PCDH8: variants seen among roughly 807,000 people sequenced by gnomAD.
The protein encoded by PCDH8 is protocadherin-8.
Under a neutral mutation model 58.2 loss-of-function variants are expected in PCDH8, and 36 were observed. The ratio of observed to expected loss-of-function variants is 0.62; its 90% CI spans 0.47 to 0.82. The LOEUF is 0.82. PCDH8 is among the 40% of genes least tolerant of loss of function. The probability of loss-of-function intolerance (pLI) is 0.00; values close to 1 mark genes in which losing one functional copy is unlikely to be tolerated. For synonymous variants in PCDH8, 775 were observed against 728.9 expected (o/e 1.06, Z -1.02); for missense variants, 1,493 against 1,567.8 (o/e 0.95, Z 0.81).
Position 52,845,821 on chromosome 13 carries a change from G to A in PCDH8, c.2616C>T (p.Arg872=). The change falls in exon 1 of 3, where the codon CGC becomes CGT. Residue 872 remains arginine, a synonymous_variant. Coordinates refer to ENST00000377942, the MANE Select transcript of PCDH8 (RefSeq NM_002590.4). ...ACHFEGQQRL[R]GAHAEPYGAS... ...AAGGCCTCACCTCGGCGTGCGCGCC[G>A]CGGAGCCGCTGCTGCCCCTCGAAGT... is the stretch of plus-strand genomic sequence containing the variant. 6.6e-7 allele frequency: 1 copy of A among 1,508,620 alleles called. No homozygotes were observed. The highest frequency in any genetic ancestry group is 8.8e-7 in the Non-Finnish European group (1 of 1,136,676). The allele number at this position is 1,508,620 out of a possible 1,614,324, so 93.5% of individuals were successfully genotyped here.
Position 52,846,038 on chromosome 13 carries a change from G to C in PCDH8, c.2399C>G (p.Ser800Trp), listed in dbSNP as rs1227280613. 4 of 1,498,144 alleles carry C rather than the reference G, an allele frequency of 2.7e-6. No homozygotes were observed. The highest frequency in any genetic ancestry group is 3.5e-6 in the Non-Finnish European group (4 of 1,141,894). The allele number at this position is 1,498,144 out of a possible 1,614,324, so 92.8% of individuals were successfully genotyped here. Residue 800 changes from serine (S) to tryptophan (W), a missense_variant, in exon 1 of 3, where the codon TCG (serine) becomes TGG (tryptophan). Physicochemically the swap from Ser to Trp is radical, Grantham distance 177. Coordinates refer to ENST00000377942, the MANE Select transcript of PCDH8 (RefSeq NM_002590.4). Reference sequence around the variant, plus strand: ...GGCCTCCTCCGGGGAGCCGGGAGCCGAGGCTCCGCCGCCCGCCGCCCCGGG... The same window carrying C: ...GGCCTCCTCCGGGGAGCCGGGAGCCCAGGCTCCGCCGCCCGCCGCCCCGGG... The part of the protein sequence containing the change: ...ERPGAAGGGA[S>W]APGSPEEAAR...
Position 52,846,653 on chromosome 13 carries a change from A to T in PCDH8, c.1784T>A (p.Val595Glu). ...GTTCTGGTCCAGCACGCGCACTTGCACTAGGGCGCTGCTGGAAAGCTGAGG... is the reference window on the plus strand; with the variant it reads ...GTTCTGGTCCAGCACGCGCACTTGCTCTAGGGCGCTGCTGGAAAGCTGAGG... ...GSPQLSSSAL[V>E]QVRVLDQNDH... Residue 595 changes from valine (V) to glutamate (E), a missense_variant, in exon 1 of 3, where the codon GTG (valine) becomes GAG (glutamate). Around this residue, in one of 3 missense-constraint regions of PCDH8, gnomAD observed 1,307 missense variants for 1,362.7 expected, o/e 0.96. Coordinates refer to ENST00000377942, the MANE Select transcript of PCDH8 (RefSeq NM_002590.4). 1 of 1,603,422 alleles carries T rather than the reference A, an allele frequency of 6.2e-7. No homozygotes were observed. Among genetic ancestry groups the T allele is most frequent in the Non-Finnish European group, 8.5e-7 (1 of 1,177,884 alleles).
In PCDH8 at chr13:52,847,298, C is replaced by A. The variant is rs1965756353; in HGVS notation, c.1139G>T (p.Gly380Val). Residue 380 changes from glycine to valine, a missense_variant, in exon 1 of 3, where the codon GGG (glycine) becomes GTG (valine). Transcript: ENST00000377942. ...FAAAAAAAALGGADASSPAGA... is the reference protein window; with the variant it reads ...FAAAAAAAALVGADASSPAGA... The stretch of plus-strand genomic sequence containing the variant: ...CGCCGGCGAGCTAGCGTCCGCTCCC[C>A]CGAGTGCAGCGGCGGCGGCGGCAGC... The A allele has an allele frequency of 2.1e-6, 3 of 1,402,024 alleles. No individual in the cohort carries two copies. The highest frequency in any genetic ancestry group is 2.8e-6 in the Non-Finnish European group (3 of 1,084,668). The allele number at this position is 1,402,024 out of a possible 1,614,324, so 86.8% of individuals were successfully genotyped here. A position where few individuals can be genotyped will look rare whatever the true frequency, so the allele number is the denominator to read the frequency against.
chr13:52,845,063 C>A (rs867928404), intron 2 of PCDH8, 130 bp from the exon 3 acceptor site: 2 of 991,390 alleles, frequency 2.0e-6, no homozygotes, highest in Middle Eastern at 5.5e-4. Context: ...TAGATATACA[C>A]CGTGTCTCAA....
At position 52,847,700 on chromosome 13, in the gene PCDH8, G is replaced by A. The variant is rs1184246081; in HGVS notation, c.737C>T (p.Pro246Leu). The change falls in exon 1 of 3, where the codon CCG (proline) becomes CTG (leucine). Residue 246 changes from proline to leucine, a missense_variant. By Grantham distance (98) the Pro-to-Leu change is moderately conservative. This residue lies in a region of PCDH8 where 1,307 missense variants were observed against 1,362.7 expected (regional missense o/e 0.96). Coordinates refer to ENST00000377942, the MANE Select transcript of PCDH8 (RefSeq NM_002590.4). The part of the protein sequence containing the change: ...LDANDHSPAF[P>L]QGAVAEVELA... ...CTCCACTTCGGCCACGGCGCCCTGC[G>A]GGAAGGCCGGGCTGTGGTCATTCGC... The A allele has an allele frequency of 3.2e-6, 5 of 1,545,116 alleles. No homozygotes were observed. The South Asian group carries it at 6.0e-5, about 18-fold the overall frequency.
rs764488488 is a variant in PCDH8 at position 52,847,657 on chromosome 13, G to T, written c.780C>A (p.Pro260=). 7.6e-6 allele frequency: 12 copies of T among 1,570,666 alleles called. No individual in the cohort carries two copies. In the African/African-American group the frequency reaches 8.3e-5, roughly 11 times the overall value. The change falls in exon 1 of 3, where the codon CCC becomes CCA. Residue 260 remains proline, a synonymous_variant. Coordinates refer to ENST00000377942, the MANE Select transcript of PCDH8 (RefSeq NM_002590.4). ...VAEVELAEDA[P]VGSLLLDLDA... ...CCAGGTCGAGAAGCAGGGAGCCCAC[G>T]GGCGCGTCTTCCGCCAGCTCCACTT...
chr13:52,846,544 C>T lies in PCDH8; in HGVS notation c.1893G>A (p.Thr631=), dbSNP rs774331672. The change falls in exon 1 of 3, where the codon ACG becomes ACA. Residue 631 remains threonine, a synonymous_variant. Coordinates refer to ENST00000377942, the MANE Select transcript of PCDH8 (RefSeq NM_002590.4). The part of the protein sequence containing the change: ...VAVPGRTAKD[T]VVARVQARDA... ...CCCGGGCCTGCACACGGGCCACAAC[C>T]GTGTCCTTTGCGGTGCGCCCAGGCA... 6.2e-7 allele frequency: 1 copy of T among 1,601,326 alleles called. No homozygotes were observed. The highest frequency in any genetic ancestry group is 1.1e-5 in the South Asian group (1 of 90,590).
In PCDH8 at chr13:52,846,844, C is replaced by T; in HGVS notation, c.1593G>A (p.Gln531=). 1 of 1,548,836 alleles carries T rather than the reference C, an allele frequency of 6.5e-7. No individual in the cohort carries two copies. The highest frequency in any genetic ancestry group is 1.2e-5 in the South Asian group (1 of 85,172). The change falls in exon 1 of 3, where the codon CAG becomes CAA. Residue 531 remains glutamine (Q), a synonymous_variant. Transcript: ENST00000377942. ...CGGCCTCCAGCAGCCGGTAGGTGAC[C>T]TGGCCGTTGCGGCCCAGGTCCCGGT... ...ARDRDLGRNG[Q]VTYRLLEAEV...
rs1555286884 is a variant in PCDH8 at position 52,845,023 on chromosome 13, C to CAGGGCAGCTGAA, written c.2840-102_2840-91dup. On this transcript the variant is annotated intron_variant, in intron 2 of 2. Transcript: ENST00000377942. ...CCATCTTCAGCATGTCAGCCTGGGT[C>CAGGGCAGCTGAA]AGGGCAGCTGAAAGGAAAGGCTGTG... is the stretch of plus-strand genomic sequence containing the variant. The CAGGGCAGCTGAA allele has an allele frequency of 2.0e-4, 282 of 1,399,340 alleles. 2 individuals are homozygous for CAGGGCAGCTGAA. Among genetic ancestry groups the CAGGGCAGCTGAA allele is most frequent in the South Asian group, 1.1e-3 (73 of 68,508 alleles). 86.7% of individuals were successfully genotyped at this position (1,399,340 alleles called of 1,614,324 possible). A position where few individuals can be genotyped will look rare whatever the true frequency, so the allele number is the denominator to read the frequency against.
Position 52,848,337 on chromosome 13 carries a change from A to G in PCDH8, c.100T>C (p.Tyr34His), listed in dbSNP as rs1965778462. The G allele has an allele frequency of 1.9e-6, 3 of 1,613,232 alleles. No homozygotes were observed. Among genetic ancestry groups the G allele is most frequent in the Non-Finnish European group, 2.5e-6 (3 of 1,180,044 alleles). ...GGGGCATCCTCCTCGAAGGTGCTGT[A>G]TCGGACTGTTTTGCTCTGGGCCACT... ...LSVAQSKTVR[Y>H]STFEEDAPGT... Residue 34 changes from tyrosine (Y) to histidine (H), a missense_variant, in exon 1 of 3, where the codon TAC becomes CAC. This residue lies in a region of PCDH8 where 1,307 missense variants were observed against 1,362.7 expected (regional missense o/e 0.96). Transcript: ENST00000377942.
Position 52,848,558 on chromosome 13 carries a change from G to C in PCDH8, c.-122C>G. On this transcript the variant is annotated 5_prime_UTR_variant, in exon 1 of 3. Coordinates refer to ENST00000377942, the MANE Select transcript of PCDH8 (RefSeq NM_002590.4). ...GAGCCCTGTGCGGGAGAAGTCTGCGGGTAGCAGCTCCGAGCCTCCAGCGGG... is the reference window on the plus strand; with the variant it reads ...GAGCCCTGTGCGGGAGAAGTCTGCGCGTAGCAGCTCCGAGCCTCCAGCGGG... 7.0e-7 allele frequency: 1 copy of C among 1,432,238 alleles called. No homozygotes were observed. The highest frequency in any genetic ancestry group is 9.1e-7 in the Non-Finnish European group (1 of 1,096,216). The allele number at this position is 1,432,238 out of a possible 1,614,324, so 88.7% of individuals were successfully genotyped here. A position where few individuals can be genotyped will look rare whatever the true frequency, so the allele number is the denominator to read the frequency against.
At position 52,846,428 on chromosome 13, in the gene PCDH8, TC is replaced by T; in HGVS notation, c.2008del (p.Glu670ArgfsTer41). 2 of 1,599,766 alleles carry T rather than the reference TC, an allele frequency of 1.3e-6. No homozygotes were observed. On this transcript the variant is annotated frameshift_variant, in exon 1 of 3. Transcript: ENST00000377942. LOFTEE classifies it high-confidence loss of function. ...EAFAIGRRTG[E>X]ILLTGDLSQE... ...CGAGAGGTCGCCGGTGAGCAGTATC[TC>T]CCCCGTGCGGCGGCCGATGGCGAAG... is the stretch of plus-strand genomic sequence containing the variant.
In PCDH8 at chr13:52,845,998, C is replaced by T. The variant is rs528207061; in HGVS notation, c.2439G>A (p.Gly813=). The T allele has an allele frequency of 1.0e-5, 15 of 1,467,280 alleles. No homozygotes were observed. In the African/African-American group the frequency reaches 1.8e-4, roughly 17 times the overall value. The allele number at this position is 1,467,280 out of a possible 1,614,324, so 90.9% of individuals were successfully genotyped here. A position where few individuals can be genotyped will look rare whatever the true frequency, so the allele number is the denominator to read the frequency against. The change falls in exon 1 of 3, where the codon GGG becomes GGA. Residue 813 remains glycine (G), a synonymous_variant. Coordinates refer to ENST00000377942, the MANE Select transcript of PCDH8 (RefSeq NM_002590.4). Reference sequence around the variant, plus strand: ...GCACGTCGAACATGTTGGGCCTGGGCCCGGCTCCCCGGGCGGCCTCCTCCG... The same window carrying T: ...GCACGTCGAACATGTTGGGCCTGGGTCCGGCTCCCCGGGCGGCCTCCTCCG... ...GSPEEAARGA[G]PRPNMFDVLT... is the part of the protein sequence containing the mutation.
Position 52,847,292 on chromosome 13 carries a change from G to A in PCDH8, c.1145C>T (p.Ala382Val), listed in dbSNP as rs1213286996. 7 of 1,390,130 alleles carry A rather than the reference G, an allele frequency of 5.0e-6. 1 individual carries two copies. The highest frequency in any genetic ancestry group is 3.8e-4 in the Middle Eastern group (2 of 5,286). 86.1% of individuals were successfully genotyped at this position (1,390,130 alleles called of 1,614,324 possible). A position where few individuals can be genotyped will look rare whatever the true frequency, so the allele number is the denominator to read the frequency against. The change falls in exon 1 of 3, where the codon GCG becomes GTG. Residue 382 changes from alanine to valine, a missense_variant. Physicochemically the swap from Ala to Val is moderately conservative, Grantham distance 64. This residue lies in a region of PCDH8 where 1,307 missense variants were observed against 1,362.7 expected (regional missense o/e 0.96). Coordinates refer to ENST00000377942, the MANE Select transcript of PCDH8 (RefSeq NM_002590.4). ...AAAAAAALGG[A>V]DASSPAGAGT... is the part of the protein sequence containing the mutation. ...GGCTCCCGCCGGCGAGCTAGCGTCCGCTCCCCCGAGTGCAGCGGCGGCGGC... is the reference window on the plus strand; with the variant it reads ...GGCTCCCGCCGGCGAGCTAGCGTCCACTCCCCCGAGTGCAGCGGCGGCGGC...
Position 52,844,843 on chromosome 13 carries a change from G to A in PCDH8, c.2930C>T (p.Ser977Leu), listed in dbSNP as rs3742299. The change falls in exon 3 of 3, where the codon TCG becomes TTG. Residue 977 changes from serine to leucine, a missense_variant. Ser to Leu is a moderately radical substitution (Grantham distance 145, BLOSUM62 -2). Around this residue, in one of 3 missense-constraint regions of PCDH8, gnomAD observed 182 missense variants for 178.9 expected, o/e 1.02. Transcript: ENST00000377942. ...PSCSGPNAHP[S>L]PHPPAQMSTF... ...TGACATCTGGGCTGGTGGGTGAGGC[G>A]ATGGATGTGCGTTGGGCCCGCTGCA... 1.6e-5 allele frequency: 25 copies of A among 1,609,368 alleles called. No individual in the cohort carries two copies. In the East Asian group the frequency reaches 4.9e-4, roughly 32 times the overall value.
rs1965684566 is a variant in PCDH8 at position 52,842,979 on chromosome 13, A to T, written c.*1581T>A. The T allele has an allele frequency of 6.6e-6, 1 of 152,082 alleles. No individual in the cohort carries two copies. 9.4% of individuals were successfully genotyped at this position (152,082 alleles called of 1,614,324 possible). A position where few individuals can be genotyped will look rare whatever the true frequency, so the allele number is the denominator to read the frequency against. On this transcript the variant is annotated 3_prime_UTR_variant, in exon 3 of 3. Coordinates refer to ENST00000377942, the MANE Select transcript of PCDH8 (RefSeq NM_002590.4). ...TTAGCTGTGTGATTTTTGGCATTTTATCTAACCTTCTTGTGCCTCGGTTTC... is the reference window on the plus strand; with the variant it reads ...TTAGCTGTGTGATTTTTGGCATTTTTTCTAACCTTCTTGTGCCTCGGTTTC...
Position 52,847,519 on chromosome 13 carries a change from G to T in PCDH8, c.918C>A (p.Leu306=). The change falls in exon 1 of 3, where the codon CTC becomes CTA. Residue 306 remains leucine (L), a synonymous_variant. Coordinates refer to ENST00000377942, the MANE Select transcript of PCDH8 (RefSeq NM_002590.4). ...CGTAGTCCACGGGCCCGGCCAGGGT[G>T]AGGCGGCCTGATCGCGGGTCAAGCC... ...LFRLDPRSGR[L]TLAGPVDYER... is the part of the protein sequence containing the mutation. 1 of 1,583,138 alleles carries T rather than the reference G, an allele frequency of 6.3e-7. No homozygotes were observed.
chr13:52,847,777 G>T lies in PCDH8; in HGVS notation c.660C>A (p.Gly220=). The change falls in exon 1 of 3, where the codon GGC becomes GGA. Residue 220 remains glycine, a synonymous_variant. Transcript: ENST00000377942. ...AYSLELVAQD[G]GRPPRSATAA... ...CCGTGGCGGAGCGCGGCGGGCGGCC[G>T]CCGTCCTGGGCCACCAGCTCCAGGC... 1 of 1,456,988 alleles carries T rather than the reference G, an allele frequency of 6.9e-7. No individual in the cohort carries two copies. Among genetic ancestry groups the T allele is most frequent in the Non-Finnish European group, 9.0e-7 (1 of 1,114,578 alleles). 90.3% of individuals were successfully genotyped at this position (1,456,988 alleles called of 1,614,324 possible).
rs1376632064 is a variant in PCDH8 at position 52,847,819 on chromosome 13, C to T, written c.618G>A (p.Glu206=). 1.1e-5 allele frequency: 16 copies of T among 1,487,764 alleles called. No homozygotes were observed. In the South Asian group the frequency reaches 1.3e-4, roughly 12 times the overall value. 92.2% of individuals were successfully genotyped at this position (1,487,764 alleles called of 1,614,324 possible). A position where few individuals can be genotyped will look rare whatever the true frequency, so the allele number is the denominator to read the frequency against. ...DLVLLQELDR[E]SQAAYSLELV... ...GCTCCAGGCTGTAGGCGGCCTGGCTCTCGCGGTCCAGCTCCTGCAGCAGCA... is the reference window on the plus strand; with the variant it reads ...GCTCCAGGCTGTAGGCGGCCTGGCTTTCGCGGTCCAGCTCCTGCAGCAGCA... Residue 206 remains glutamate, a synonymous_variant, in exon 1 of 3, where the codon GAG becomes GAA. Coordinates refer to ENST00000377942, the MANE Select transcript of PCDH8 (RefSeq NM_002590.4).
Sources: allele counts gnomAD v4.1 joint callset, GRCh38; gene constraint gnomAD v4.1.1; regional missense constraint gnomAD v4.1.1; transcripts MANE v1.5; gene names NCBI Gene and HGNC (gene_info 2026-07-23, HGNC 2026-07-21).